NRXN3: variants seen among roughly 807,000 people sequenced by gnomAD.
NRXN3 encodes neurexin 3.
A neutral mutation model predicts 137.6 loss-of-function variants in NRXN3; 32 were observed. The ratio of observed to expected loss-of-function variants is 0.23; its 90% confidence interval spans 0.18 to 0.31. NRXN3 has a LOEUF of 0.31. NRXN3 is among the 10% of genes least tolerant of loss of function. NRXN3 has a pLI of 1.00. For missense variants in NRXN3, 1,574 were observed against 2,062.5 expected (o/e 0.76, Z 4.59); for synonymous variants, 798 against 784.5 (o/e 1.02, Z -0.29).
chr14:78,502,302 G>C (rs888362631), intron 4 of NRXN3, among the ~76,000 whole-genome samples: 8 of 152,294 alleles, frequency 5.3e-5, no homozygotes, highest in African/African-American at 1.9e-4. Context: ...CCTAGCAATA[G>C]CTTTGTTACA....
intron 4 of NRXN3, among the ~76,000 whole-genome samples, chr14:78,373,079 C>T (rs2087156055): frequency 6.6e-6 from 1 of 152,164 alleles, no homozygotes; most frequent in African/African-American, 2.4e-5. Context: ...GGTATGCAGG[C>T]TCAAGGCTCA....
rs142467244 is a variant in NRXN3, at chr14:78,675,012, G to T, written c.1221+23686G>T. Among the ~76,000 whole-genome samples, 11 of 152,286 alleles carry T rather than the reference G, an allele frequency of 7.2e-5. No homozygotes were observed. In the East Asian group the frequency reaches 2.1e-3, roughly 29 times the overall value. ...GTGATGAGTTCTCCACACAGCAGGTGCTCAGTGTAGGGTGATAAAGAACTA... is the reference window on the plus strand; with the variant it reads ...GTGATGAGTTCTCCACACAGCAGGTTCTCAGTGTAGGGTGATAAAGAACTA... On this transcript the variant is annotated intron_variant, in intron 6 of 20. Coordinates refer to ENST00000335750, the MANE Select transcript of NRXN3 (RefSeq NM_001330195.2).
At chr14:79,805,249 A>G (rs762679827) in intron 20 of NRXN3, 59 bp downstream of exon 20, 4 of 1,213,020 alleles carry the variant, frequency 3.3e-6, no homozygotes, top group East Asian at 2.3e-5. Context: ...AAAACAATAC[A>G]TACATATATG....
intron 1 of NRXN3, among the ~76,000 whole-genome samples, chr14:78,179,824 G>GTTTCTTTTTTTTTTTTTTTTTTTTTTT (rs1566912649): frequency 2.4e-4 from 3 of 12,622 alleles, no homozygotes; most frequent in East Asian, 9.5e-4. Flanking sequence ...TTTTTTTTTT[G>GTTTCTTTTTTTTTTTTTTTTTTTTTTT]TTTGTTTCTG....
intron 8 of NRXN3, among the ~76,000 whole-genome samples, chr14:78,756,108 G>A (rs10137393): frequency 0.32 from 48,376 of 152,058 alleles, 10,045 homozygotes; most frequent in African/African-American, 0.59. Flanking sequence ...CAGAGTCATT[G>A]AGGGCTTCCC....
chr14:78,919,658 C>T (rs2099265746), intron 10 of NRXN3, among the ~76,000 whole-genome samples: 1 of 152,108 alleles, frequency 6.6e-6, no homozygotes, highest in Non-Finnish European at 1.5e-5. Flanking sequence ...TTTTCTAATG[C>T]ATGTTTTATA....
intron 4 of NRXN3, among the ~76,000 whole-genome samples, chr14:78,550,539 AAC>A (rs150154912): frequency 0.4 from 53,775 of 134,422 alleles, 9,740 homozygotes; most frequent in Admixed American, 0.43. Context: ...GGATAGTAAA[AAC>A]AAAAAAAAAA....
intron 4 of NRXN3, among the ~76,000 whole-genome samples, chr14:78,363,926 A>C (rs1197887277): frequency 6.6e-6 from 1 of 152,178 alleles, no homozygotes; most frequent in Non-Finnish European, 1.5e-5. Context: ...TGGAGCCCTC[A>C]TGTGGCCCAC....
intron 15 of NRXN3, among the ~76,000 whole-genome samples, chr14:79,219,886 A>G (rs2069229782): frequency 6.6e-6 from 1 of 152,326 alleles, no homozygotes; most frequent in South Asian, 2.1e-4. Flanking sequence ...AGTATGCAAA[A>G]GCAAGATAAA....
intron 15 of NRXN3, among the ~76,000 whole-genome samples, chr14:79,200,693 CA>C (rs1450522681): frequency 1.3e-5 from 2 of 152,142 alleles, no homozygotes; most frequent in African/African-American, 4.8e-5. Flanking sequence ...ACAATGTACA[CA>C]CAACTAATAC....
intron 4 of NRXN3, among the ~76,000 whole-genome samples, chr14:78,630,597 C>CT (rs370862037): frequency 0.35 from 44,267 of 127,686 alleles, 7,327 homozygotes; most frequent in African/African-American, 0.48. Context: ...TTCTTTCTTT[C>CT]TTTTTTTTTT....
intron 19 of NRXN3, among the ~76,000 whole-genome samples, chr14:79,722,020 T>G (rs182040989): frequency 6.6e-6 from 1 of 152,128 alleles, no homozygotes; most frequent in Non-Finnish European, 1.5e-5. Context: ...AGATTTTATA[T>G]CTCTGCTGTT....
At chr14:78,738,775 T>TG (rs71303853) in intron 8 of NRXN3, among the ~76,000 whole-genome samples, 3,415 of 151,770 alleles carry the variant, frequency 0.023, 70 homozygotes, top group Non-Finnish European at 0.032. Context: ...TGGTGAGGGG[T>TG]GGGGGGGTGC....
At chr14:79,317,284 AG>A in intron 15 of NRXN3, among the ~76,000 whole-genome samples, 1 of 152,142 alleles carries the variant, frequency 6.6e-6, no homozygotes, top group East Asian at 1.9e-4. Context: ...GGAGGCTCTC[AG>A]GGAGGATCCT....
At chr14:78,899,000 C>T (rs972125635) in intron 10 of NRXN3, among the ~76,000 whole-genome samples, 1 of 151,856 alleles carries the variant, frequency 6.6e-6, no homozygotes, top group Admixed American at 6.6e-5. Flanking sequence ...TGGTCAGAAC[C>T]CTGGCTTTGA....
At chr14:78,198,302 A>G (rs750259757) in intron 1 of NRXN3, among the ~76,000 whole-genome samples, 1 of 152,212 alleles carries the variant, frequency 6.6e-6, no homozygotes, top group Non-Finnish European at 1.5e-5. Context: ...CCAACCCCGT[A>G]ATAGCCATGG....
At chr14:78,449,308 G>C (rs1367126620) in intron 4 of NRXN3, among the ~76,000 whole-genome samples, 1 of 152,166 alleles carries the variant, frequency 6.6e-6, no homozygotes. Flanking sequence ...CGCCTTTCAG[G>C]CTCAAGTAAT....
intron 2 of NRXN3, among the ~76,000 whole-genome samples, chr14:78,252,658 T>C (rs533095904): frequency 6.6e-6 from 1 of 152,322 alleles, no homozygotes; most frequent in South Asian, 2.1e-4. Context: ...GTCCTGTGGT[T>C]GATTGCTGGT....
intron 15 of NRXN3, among the ~76,000 whole-genome samples, chr14:79,300,443 C>T (rs991676707): frequency 1.3e-5 from 2 of 151,990 alleles, no homozygotes; most frequent in African/African-American, 4.8e-5. Flanking sequence ...CATGAGGTCC[C>T]TCATATAGCT....
Sources: gnomAD v4.1 joint callset for allele counts (sites outside exome capture counted in the v4.1 genomes callset) on GRCh38, gnomAD v4.1.1 for gene constraint, MANE v1.5 for transcripts, NCBI Gene and HGNC (gene_info 2026-07-23, HGNC 2026-07-21) for gene names.